The following SLC24A3 variants were observed in gnomAD, a reference collection of about 807,000 sequenced individuals.
The protein encoded by SLC24A3 is solute carrier family 24 member 3, also known as sodium/potassium/calcium exchanger 3.
Under a neutral mutation model 75.8 loss-of-function variants are expected in SLC24A3, and 28 were observed. The ratio of observed to expected loss-of-function variants is 0.37; its 90% CI spans 0.27 to 0.51. The LOEUF is 0.51. Among genes scored for constraint, SLC24A3 ranks in the 20% least tolerant of loss-of-function variants. SLC24A3 has a pLI of 0.94. For synonymous variants in SLC24A3, 372 were observed against 334.1 expected, an observed-to-expected ratio of 1.11 and a Z score of -1.24; for missense variants, 663 against 847.8, an observed-to-expected ratio of 0.78 and a Z score of 2.71.
At position 19,639,574 on chromosome 20, in the gene SLC24A3, A is replaced by T. The variant is rs2032046032; in HGVS notation, c.613-14488A>T. On this transcript the variant is annotated intron_variant, in intron 6 of 16. Transcript: ENST00000328041. ...GAGCCCAGCTGGCTTCACCCAGTGG[A>T]TCCCGCACTGGGGCTGCAGGTGGAG... 2.0e-5 allele frequency among the ~76,000 whole-genome samples: 3 copies of T among 152,236 alleles called. No individual in the cohort carries two copies. The South Asian group carries it at 6.2e-4, about 31-fold the overall frequency.
chr20:19,688,593 G>A (rs1403807997), intron 12 of SLC24A3, among the ~76,000 whole-genome samples: 1 of 152,210 alleles, frequency 6.6e-6, no homozygotes, highest in South Asian at 2.1e-4. Context: ...CCCCAGATGG[G>A]TTCCTATCAA....
intron 2 of SLC24A3, among the ~76,000 whole-genome samples, chr20:19,512,226 T>C (rs2029897342): frequency 6.6e-6 from 1 of 152,144 alleles, no homozygotes; most frequent in African/African-American, 2.4e-5. Flanking sequence ...AGGTCACTGG[T>C]AAGCTGCCCA....
At chr20:19,437,244 C>A (rs543502918) in intron 2 of SLC24A3, among the ~76,000 whole-genome samples, 1 of 152,190 alleles carries the variant, frequency 6.6e-6, no homozygotes, top group South Asian at 2.1e-4. Context: ...AAGGGCAGGA[C>A]CAGGTGGAGG....
At chr20:19,252,649 G>GGC (rs1982698949) in intron 1 of SLC24A3, among the ~76,000 whole-genome samples, 2 of 148,696 alleles carry the variant, frequency 1.3e-5, no homozygotes, top group Admixed American at 1.3e-4. Flanking sequence ...ATGGCGGGGG[G>GGC]GGGTGCCTGT....
At chr20:19,504,142 A>G (rs1394492781) in intron 2 of SLC24A3, among the ~76,000 whole-genome samples, 1 of 152,240 alleles carries the variant, frequency 6.6e-6, no homozygotes, top group Non-Finnish European at 1.5e-5. Flanking sequence ...AGCAATGAAC[A>G]TGAATGAGAC....
At chr20:19,364,660 G>T (rs904693638) in intron 2 of SLC24A3, among the ~76,000 whole-genome samples, 3 of 152,076 alleles carry the variant, frequency 2.0e-5, no homozygotes, top group Non-Finnish European at 2.9e-5. Context: ...TTGCCATGTT[G>T]CCCAGGCTGG....
chr20:19,282,653 C>G, intron 2 of SLC24A3, among the ~76,000 whole-genome samples: 1 of 152,236 alleles, frequency 6.6e-6, no homozygotes, highest in East Asian at 1.9e-4. Context: ...GATTAATCAG[C>G]TAATAGTATT....
intron 1 of SLC24A3, among the ~76,000 whole-genome samples, chr20:19,255,515 A>AT (rs778819627): frequency 1.3e-5 from 2 of 152,226 alleles, no homozygotes; most frequent in Non-Finnish European, 2.9e-5. Flanking sequence ...AGCATGGGTG[A>AT]AGAGGAAGCA....
Position 19,706,248 on chromosome 20 carries a change from G to A in SLC24A3, c.1719+7568G>A, listed in dbSNP as rs538434611. Among the ~76,000 whole-genome samples, 12 of 152,290 alleles carry A rather than the reference G, an allele frequency of 7.9e-5. No homozygotes were observed. In the East Asian group the frequency reaches 2.3e-3, roughly 29 times the overall value. On this transcript the variant is annotated intron_variant, in intron 15 of 16. Transcript: ENST00000328041. The stretch of plus-strand genomic sequence containing the variant: ...TTGAGTGCCTACTATGTGCTATGCT[G>A]GTAACCACTGGAGATGGTGCAGTAA...
intron 9 of SLC24A3, among the ~76,000 whole-genome samples, chr20:19,681,605 A>G (rs1035006716): frequency 4.6e-5 from 7 of 152,212 alleles, no homozygotes; most frequent in Non-Finnish European, 8.8e-5. Flanking sequence ...AAAGTAAGCA[A>G]TGTGCCCATG....
At chr20:19,459,649 G>A (rs1394074619) in intron 2 of SLC24A3, among the ~76,000 whole-genome samples, 1 of 152,120 alleles carries the variant, frequency 6.6e-6, no homozygotes, top group Non-Finnish European at 1.5e-5. Context: ...TGTGAGCTTT[G>A]CTAAATATTT....
intron 2 of SLC24A3, among the ~76,000 whole-genome samples, chr20:19,477,729 G>T (rs1335848678): frequency 6.6e-6 from 1 of 152,054 alleles, no homozygotes; most frequent in Non-Finnish European, 1.5e-5. Context: ...AAGGCAAATG[G>T]CTTGATTATG....
intron 6 of SLC24A3, among the ~76,000 whole-genome samples, chr20:19,618,825 G>A (rs2031769963): frequency 6.6e-6 from 1 of 152,196 alleles, no homozygotes; most frequent in Non-Finnish European, 1.5e-5. Flanking sequence ...TCAAGGCATA[G>A]CCCTTTCATG....
At chr20:19,521,449 G>A (rs6081630) in intron 3 of SLC24A3, among the ~76,000 whole-genome samples, 2 of 152,126 alleles carry the variant, frequency 1.3e-5, no homozygotes, top group Non-Finnish European at 2.9e-5. Flanking sequence ...AGGAGTCTCA[G>A]CTCCACAACC....
intron 2 of SLC24A3, among the ~76,000 whole-genome samples, chr20:19,419,610 G>T (rs1986883275): frequency 6.6e-6 from 1 of 152,130 alleles, no homozygotes; most frequent in Non-Finnish European, 1.5e-5. Context: ...CCCTCAGGCA[G>T]ATCCTGAGGG....
chr20:19,281,021 C>G lies in SLC24A3; in HGVS notation c.205C>G (p.Gln69Glu). The G allele has an allele frequency of 6.2e-7, 1 of 1,614,128 alleles. No homozygotes were observed. Residue 69 changes from glutamine to glutamate, a missense_variant, in exon 2 of 17, where the codon CAG becomes GAG. Gln to Glu is a conservative substitution (Grantham distance 29, BLOSUM62 2). Coordinates refer to ENST00000328041, the MANE Select transcript of SLC24A3 (RefSeq NM_020689.4). ...GTGGATGATGGCGAGGAAGCTGATG[C>G]AGGTGAACGACACTCTGACTTCCGA... is the stretch of plus-strand genomic sequence containing the variant. Reference protein sequence around the residue: ...RKWMMARKLMQVNDTLTSEDA... With the variant: ...RKWMMARKLMEVNDTLTSEDA...
intron 2 of SLC24A3, among the ~76,000 whole-genome samples, chr20:19,346,101 ATATATATGGT>A: frequency 1.4e-5 from 1 of 70,946 alleles, no homozygotes; most frequent in African/African-American, 1.2e-4. Context: ...ATATATATAT[ATATATATGGT>A]GTGTGTGTGT....
chr20:19,398,445 T>G (rs1986494976), intron 2 of SLC24A3, among the ~76,000 whole-genome samples: 1 of 152,214 alleles, frequency 6.6e-6, no homozygotes, highest in African/African-American at 2.4e-5. Context: ...GCTTTTTAAA[T>G]TTTTGATATT....
At chr20:19,708,001 A>G (rs1486043852) in intron 15 of SLC24A3, among the ~76,000 whole-genome samples, 3 of 142,772 alleles carry the variant, frequency 2.1e-5, no homozygotes, top group Non-Finnish European at 4.7e-5. Context: ...AGGGCCTAGA[A>G]CATGTCGTGA....
Sources: allele counts gnomAD v4.1 joint callset (sites outside exome capture counted in the v4.1 genomes callset), GRCh38; gene constraint gnomAD v4.1.1; transcripts MANE v1.5; gene names NCBI Gene and HGNC (gene_info 2026-07-23, HGNC 2026-07-21).